The following ZRANB1 variants were observed in gnomAD, a reference collection of about 807,000 sequenced individuals.
ZRANB1 encodes the protein ubiquitin thioesterase ZRANB1.
In ZRANB1, 16 loss-of-function variants were observed where a neutral mutation model predicts 80.5. The ratio of observed to expected loss-of-function variants is 0.20; its 90% CI spans 0.13 to 0.30. The LOEUF is 0.30. Among genes scored for constraint, ZRANB1 ranks in the 10% least tolerant of loss-of-function variants. The pLI is 1.00. For missense variants in ZRANB1, 576 were observed against 862.6 expected, an observed-to-expected ratio of 0.67 and a Z score of 4.16; for synonymous variants, 291 against 293.1, an observed-to-expected ratio of 0.99 and a Z score of 0.07.
intron 1 of ZRANB1, among the ~76,000 whole-genome samples, chr10:124,955,124 C>CA (rs770934680): frequency 5.3e-5 from 8 of 150,808 alleles, no homozygotes; most frequent in South Asian, 2.1e-4. Context: ...GACTCTGTCT[C>CA]AAAAAAACAA....
rs3213830 is a variant in ZRANB1 at position 124,966,804 on chromosome 10, A to G, written c.1002+23A>G. 7.3e-4 allele frequency: 1,158 copies of G among 1,593,340 alleles called. 19 individuals carry two copies. In the East Asian group the frequency reaches 0.022, roughly 30 times the overall value. Reference sequence around the variant, plus strand: ...GAGGTAAGTTTGGCGTTTTGGTTAAATGTTCTTTTATATTAAAGAAACCTG... The same window carrying G: ...GAGGTAAGTTTGGCGTTTTGGTTAAGTGTTCTTTTATATTAAAGAAACCTG... On this transcript the variant is annotated intron_variant, in intron 2 of 8. Coordinates refer to ENST00000359653, the MANE Select transcript of ZRANB1 (RefSeq NM_017580.3).
Position 124,942,575 on chromosome 10 carries a change from C to A in ZRANB1, c.82C>A (p.Arg28Ser). ...ATCTGCAATCAAGTGTACTATGTGTCGTGCCCAAAGACCTAGTGGAACAAT... is the reference window on the plus strand; with the variant it reads ...ATCTGCAATCAAGTGTACTATGTGTAGTGCCCAAAGACCTAGTGGAACAAT... The part of the protein sequence containing the change: ...WPSAIKCTMC[R>S]AQRPSGTIIT... Residue 28 changes from arginine to serine, a missense_variant, in exon 1 of 9, where the codon CGT becomes AGT. By Grantham distance (110) the Arg-to-Ser change is moderately radical. Around this residue, in one of 3 missense-constraint regions of ZRANB1, gnomAD observed 411 missense variants for 583.1 expected, o/e 0.70. Coordinates refer to ENST00000359653, the MANE Select transcript of ZRANB1 (RefSeq NM_017580.3). 6.2e-7 allele frequency: 1 copy of A among 1,614,106 alleles called. No individual in the cohort carries two copies. The highest frequency in any genetic ancestry group is 8.5e-7 in the Non-Finnish European group (1 of 1,180,012).
At chr10:124,940,774 C>T (rs1265649483), upstream of ZRANB1, among the ~76,000 whole-genome samples, 1 of 151,908 alleles carries the variant, frequency 6.6e-6, no homozygotes, top group Non-Finnish European at 1.5e-5. Flanking sequence ...AGGAGTTCAT[C>T]AAGAGAAGCC....
the ZRANB1 span, among the ~76,000 whole-genome samples, chr10:124,920,668 A>G: frequency 7.9e-5 from 12 of 152,004 alleles, no homozygotes; most frequent in African/African-American, 2.9e-4. Context: ...CTGGGCCAAG[A>G]GAGGTCCTGT....
chr10:124,964,561 A>C (rs1589849258), intron 1 of ZRANB1, among the ~76,000 whole-genome samples: 1 of 152,236 alleles, frequency 6.6e-6, no homozygotes, highest in South Asian at 2.1e-4. Context: ...ACATGAACAC[A>C]TATAGTACAA....
At chr10:124,928,045 AAAAT>A in the ZRANB1 span, among the ~76,000 whole-genome samples, 1 of 152,206 alleles carries the variant, frequency 6.6e-6, no homozygotes. Context: ...AAAAAAAGAA[AAAAT>A]AAATAAAAGA....
intron 1 of ZRANB1, among the ~76,000 whole-genome samples, chr10:124,944,757 G>C (rs1035391723): frequency 5.3e-5 from 8 of 152,068 alleles, no homozygotes; most frequent in Admixed American, 6.5e-5. Context: ...GCCTCCTAAA[G>C]TGTTGGGATT....
the ZRANB1 span, among the ~76,000 whole-genome samples, chr10:124,923,059 C>T: frequency 4.6e-5 from 7 of 152,060 alleles, no homozygotes; most frequent in East Asian, 1.2e-3. Flanking sequence ...GAGGCCTAGG[C>T]GGGTAGATCA....
chr10:124,982,252 G>C (rs1238882052), intron 6 of ZRANB1, among the ~76,000 whole-genome samples: 1 of 152,168 alleles, frequency 6.6e-6, no homozygotes, highest in Non-Finnish European at 1.5e-5. Flanking sequence ...TACTGGTGTA[G>C]GTACTTGCAT....
At chr10:124,956,804 A>G (rs1314196917) in intron 1 of ZRANB1, among the ~76,000 whole-genome samples, 1 of 152,034 alleles carries the variant, frequency 6.6e-6, no homozygotes, top group Admixed American at 6.6e-5. Flanking sequence ...AAATTTCAAA[A>G]CCTGTATAAA....
chr10:124,943,316 C>G lies in ZRANB1; in HGVS notation c.814+9C>G. ...CCTCAATGCTTGTGTGGGTAAGTTT[C>G]TGTATTCTGCATTTTTTGCGTGGGA... On this transcript the variant is annotated intron_variant, in intron 1 of 8. Coordinates refer to ENST00000359653, the MANE Select transcript of ZRANB1 (RefSeq NM_017580.3). 6.2e-7 allele frequency: 1 copy of G among 1,600,278 alleles called. No individual in the cohort carries two copies. Among genetic ancestry groups the G allele is most frequent in the South Asian group, 1.1e-5 (1 of 89,680 alleles).
In ZRANB1 at chr10:124,986,269, C is replaced by T. The variant is rs182816591; in HGVS notation, c.*1277C>T. 8.3e-5 allele frequency: 10 copies of T among 120,824 alleles called. No homozygotes were observed. The highest frequency in any genetic ancestry group is 2.6e-4 in the East Asian group (1 of 3,790). The allele number at this position is 120,824 out of a possible 1,614,324, so 7.5% of individuals were successfully genotyped here. A position where few individuals can be genotyped will look rare whatever the true frequency, so the allele number is the denominator to read the frequency against. ...TGATGTGGCCAGGAATTTGGAAAGA[C>T]GACACACGCACGCGCGCGCGCGCAC... On this transcript the variant is annotated 3_prime_UTR_variant, in exon 9 of 9. Transcript: ENST00000359653.
upstream of ZRANB1, among the ~76,000 whole-genome samples, chr10:124,938,549 A>G (rs915685089): frequency 1.3e-5 from 2 of 151,780 alleles, no homozygotes; most frequent in Non-Finnish European, 2.9e-5. Context: ...CTGGTCTCGA[A>G]CTCTTGGATT....
At chr10:124,943,659 T>C (rs780562297) in intron 1 of ZRANB1, among the ~76,000 whole-genome samples, 2 of 152,222 alleles carry the variant, frequency 1.3e-5, no homozygotes, top group African/African-American at 2.4e-5. Context: ...AACTTTGTAC[T>C]AAATTGCCCA....
chr10:124,976,565 C>CTTTT (rs138858881), intron 5 of ZRANB1, among the ~76,000 whole-genome samples: 13 of 75,712 alleles, frequency 1.7e-4, no homozygotes, highest in Admixed American at 1.4e-3. Context: ...TGGTAATTTC[C>CTTTT]TTTTTTTTTT....
At chr10:124,976,201 T>A (rs1374572273) in intron 5 of ZRANB1, among the ~76,000 whole-genome samples, 1 of 152,214 alleles carries the variant, frequency 6.6e-6, no homozygotes, top group Non-Finnish European at 1.5e-5. Flanking sequence ...GATGGCTGTC[T>A]GGTAGTATGA....
the ZRANB1 span, among the ~76,000 whole-genome samples, chr10:124,937,059 A>G: frequency 6.6e-6 from 1 of 152,088 alleles, no homozygotes; most frequent in African/African-American, 2.4e-5. Flanking sequence ...GGTTCAAGCA[A>G]TTCTCCTGCC....
chr10:124,937,794 T>C (rs1355788629), upstream of ZRANB1, among the ~76,000 whole-genome samples: 1 of 152,214 alleles, frequency 6.6e-6, no homozygotes, highest in Admixed American at 6.5e-5. Context: ...ATGGTTGATA[T>C]ATTTAGAGAC....
chr10:124,942,587 C>A lies in ZRANB1; in HGVS notation c.94C>A (p.Pro32Thr). 1 of 1,614,104 alleles carries A rather than the reference C, an allele frequency of 6.2e-7. No individual in the cohort carries two copies. The highest frequency in any genetic ancestry group is 2.2e-5 in the East Asian group (1 of 44,878). ...IKCTMCRAQRPSGTIITEDPF... is the reference protein window; with the variant it reads ...IKCTMCRAQRTSGTIITEDPF... ...GTGTACTATGTGTCGTGCCCAAAGACCTAGTGGAACAATTATTACAGAAGA... is the reference window on the plus strand; with the variant it reads ...GTGTACTATGTGTCGTGCCCAAAGAACTAGTGGAACAATTATTACAGAAGA... Residue 32 changes from proline (P) to threonine (T), a missense_variant, in exon 1 of 9, where the codon CCT (proline) becomes ACT (threonine). By Grantham distance (38) the Pro-to-Thr change is conservative. Around this residue, in one of 3 missense-constraint regions of ZRANB1, gnomAD observed 411 missense variants for 583.1 expected, o/e 0.70. Transcript: ENST00000359653.
Sources: allele counts gnomAD v4.1 joint callset (sites outside exome capture counted in the v4.1 genomes callset), GRCh38; gene constraint gnomAD v4.1.1; regional missense constraint gnomAD v4.1.1; transcripts MANE v1.5; gene names NCBI Gene and HGNC (gene_info 2026-07-23, HGNC 2026-07-21).